The following ZNF644 variants were observed in gnomAD, a reference collection of about 807,000 sequenced individuals.
ZNF644 encodes the protein zinc finger protein 644, also known as zinc finger motif enhancer binding protein 2.
In ZNF644, 20 loss-of-function variants were observed where a neutral mutation model predicts 108.0. The observed-to-expected ratio is 0.19, with a 90% CI of 0.13 to 0.27. The LOEUF (loss-of-function observed/expected upper bound fraction) is 0.27. Among genes scored for constraint, ZNF644 ranks in the 10% least tolerant of loss-of-function variants. The probability of loss-of-function intolerance (pLI) is 1.00; values close to 1 mark genes in which losing one functional copy is unlikely to be tolerated. For missense variants in ZNF644, 1,338 were observed against 1,548.9 expected, an observed-to-expected ratio of 0.86 and a Z score of 2.29; for synonymous variants, 542 against 539.1, an observed-to-expected ratio of 1.01 and a Z score of -0.08.
chr1:90,932,537 A>C (rs1319562684), intron 4 of ZNF644, among the ~76,000 whole-genome samples: 1 of 152,200 alleles, frequency 6.6e-6, no homozygotes, highest in African/African-American at 2.4e-5. Flanking sequence ...ACTCATATGA[A>C]TTAATGAATC....
intron 1 of ZNF644, among the ~76,000 whole-genome samples, chr1:91,011,317 T>G (rs535888470): frequency 6.6e-6 from 1 of 152,296 alleles, no homozygotes; most frequent in African/African-American, 2.4e-5. Flanking sequence ...ATTTATAAAC[T>G]CGAGCATTCA....
intron 2 of ZNF644, among the ~76,000 whole-genome samples, chr1:90,950,983 C>A (rs1401677425): frequency 6.6e-6 from 1 of 152,150 alleles, no homozygotes; most frequent in Non-Finnish European, 1.5e-5. Flanking sequence ...TATCTAGCAG[C>A]CTTCCTCATC....
At chr1:90,953,849 G>A (rs1653452159) in intron 2 of ZNF644, among the ~76,000 whole-genome samples, 1 of 152,026 alleles carries the variant, frequency 6.6e-6, no homozygotes, top group African/African-American at 2.4e-5. Flanking sequence ...CTGGGAGGCA[G>A]AGGTTGCAGT....
intron 1 of ZNF644, among the ~76,000 whole-genome samples, chr1:91,007,791 A>C (rs905708929): frequency 6.6e-6 from 1 of 152,162 alleles, no homozygotes; most frequent in Non-Finnish European, 1.5e-5. Context: ...AAATCAGTTA[A>C]CTTTTTACAA....
In ZNF644 at chr1:90,939,172, C is replaced by T; in HGVS notation, c.2182G>A (p.Glu728Lys). 6.2e-7 allele frequency: 1 copy of T among 1,613,788 alleles called. No homozygotes were observed. Among genetic ancestry groups the T allele is most frequent in the Non-Finnish European group, 8.5e-7 (1 of 1,179,894 alleles). ...KPKYFHQAAKEKSNAKANSHY... is the reference protein window; with the variant it reads ...KPKYFHQAAKKKSNAKANSHY... ...CTATTTGCCTTGGCATTAGACTTTT[C>T]TTTTGCTGCTTGATGGAAATACTTA... The change falls in exon 3 of 6, where the codon GAA becomes AAA. Residue 728 changes from glutamate to lysine, a missense_variant. Around this residue, in one of 6 missense-constraint regions of ZNF644, gnomAD observed 462 missense variants for 472.6 expected, o/e 0.98. Coordinates refer to ENST00000337393, the MANE Select transcript of ZNF644 (RefSeq NM_201269.3).
At chr1:90,945,008 CTTGAG>C (rs1056427309) in intron 2 of ZNF644, among the ~76,000 whole-genome samples, 7 of 152,040 alleles carry the variant, frequency 4.6e-5, no homozygotes, top group Admixed American at 6.6e-5. Flanking sequence ...AAGCATTTGA[CTTGAG>C]TTAATTTTAC....
intron 2 of ZNF644, among the ~76,000 whole-genome samples, chr1:90,975,710 C>T (rs887025356): frequency 6.6e-6 from 1 of 152,156 alleles, no homozygotes; most frequent in Non-Finnish European, 1.5e-5. Context: ...TCCCAAAGTG[C>T]TGGGATTACA....
At position 91,007,219 on chromosome 1, in the gene ZNF644, C is replaced by CGTTT. The variant is rs1557658445; in HGVS notation, c.-18+14770_-18+14771insAAAC. 2.6e-5 allele frequency among the ~76,000 whole-genome samples: 3 copies of CGTTT among 114,248 alleles called. 1 individual carries two copies. Among genetic ancestry groups the CGTTT allele is most frequent in the Non-Finnish European group, 5.5e-5 (3 of 54,590 alleles). 75.0% of individuals were successfully genotyped at this position (114,248 alleles called of 152,430 possible). On this transcript the variant is annotated intron_variant, in intron 1 of 5. Transcript: ENST00000337393. ...ATTCTTAATTTCTTCCATTTTCTCC[C>CGTTT]ATTTTGTTTTTTTTTTTTTTTTTTT...
chr1:90,920,259 A>T (rs1168252351), intron 4 of ZNF644, among the ~76,000 whole-genome samples: 4 of 152,028 alleles, frequency 2.6e-5, no homozygotes, highest in Non-Finnish European at 5.9e-5. Context: ...GCTGGTTGTC[A>T]AAATTGCCAC....
chr1:90,968,269 T>C (rs942629047), intron 2 of ZNF644, among the ~76,000 whole-genome samples: 1 of 152,146 alleles, frequency 6.6e-6, no homozygotes, highest in Non-Finnish European at 1.5e-5. Context: ...TGTACTGATA[T>C]GCACTGAAAA....
At position 91,021,882 on chromosome 1, in the gene ZNF644, G is replaced by C. The variant is rs1164676791; in HGVS notation, c.-18+108C>G. On this transcript the variant is annotated intron_variant, in intron 1 of 5. Coordinates refer to ENST00000337393, the MANE Select transcript of ZNF644 (RefSeq NM_201269.3). ...CCCCGGGCCCGAGAGCCGGAGGCCG[G>C]GTCCCCCAAGTTCTTCCGCCACCCT... 4 of 398,450 alleles carry C rather than the reference G, an allele frequency of 1.0e-5. No homozygotes were observed. The Admixed American group carries it at 1.3e-4, about 13-fold the overall frequency. 24.7% of individuals were successfully genotyped at this position (398,450 alleles called of 1,614,324 possible).
At chr1:90,924,906 C>A (rs770661032) in intron 4 of ZNF644, among the ~76,000 whole-genome samples, 26 of 152,064 alleles carry the variant, frequency 1.7e-4, no homozygotes, top group Non-Finnish European at 3.4e-4. Context: ...TGAGGAACTA[C>A]CTACCAATAA....
At chr1:90,973,305 T>C (rs1458006573) in intron 2 of ZNF644, 1 of 152,160 alleles carries the variant, frequency 6.6e-6, no homozygotes, top group Non-Finnish European at 1.5e-5. Flanking sequence ...TGTATTTTCC[T>C]GTGTAGTATT....
chr1:90,961,090 G>A (rs113457256), intron 2 of ZNF644, among the ~76,000 whole-genome samples: 23 of 152,192 alleles, frequency 1.5e-4, no homozygotes, highest in African/African-American at 5.1e-4. Context: ...AATAAAAAGC[G>A]ATACAAGTGG....
intron 1 of ZNF644, among the ~76,000 whole-genome samples, chr1:91,002,790 G>C (rs1658996130): frequency 6.6e-6 from 1 of 151,932 alleles, no homozygotes; most frequent in African/African-American, 2.4e-5. Flanking sequence ...TCTGACAAAG[G>C]GCTAATATCC....
At chr1:90,959,304 C>A (rs185090734) in intron 2 of ZNF644, among the ~76,000 whole-genome samples, 1 of 152,162 alleles carries the variant, frequency 6.6e-6, no homozygotes, top group African/African-American at 2.4e-5. Context: ...CCCTCATACA[C>A]TGCTGGTGGG....
At chr1:90,973,307 TGTA>T (rs1029564295) in intron 2 of ZNF644, 7 of 152,114 alleles carry the variant, frequency 4.6e-5, no homozygotes, top group African/African-American at 1.2e-4. Context: ...TATTTTCCTG[TGTA>T]GTATTTCTTA....
intron 5 of ZNF644, among the ~76,000 whole-genome samples, chr1:90,917,502 T>C (rs1648916591): frequency 6.6e-6 from 1 of 152,124 alleles, no homozygotes; most frequent in South Asian, 2.1e-4. Context: ...AGCCAGTTTT[T>C]TTTTCTTTTT....
intron 1 of ZNF644, among the ~76,000 whole-genome samples, chr1:90,994,645 GCATT>G (rs1373375279): frequency 2.0e-5 from 3 of 152,210 alleles, no homozygotes; most frequent in Non-Finnish European, 4.4e-5. Context: ...TCAACAGAGT[GCATT>G]CCCCAACTAT....
Sources: allele counts gnomAD v4.1 joint callset (sites outside exome capture counted in the v4.1 genomes callset), GRCh38; gene constraint gnomAD v4.1.1; regional missense constraint gnomAD v4.1.1; transcripts MANE v1.5; gene names NCBI Gene and HGNC (gene_info 2026-07-23, HGNC 2026-07-21).